Variants in BCAS4 observed in about 807,000 individuals in gnomAD.
BCAS4 encodes breast carcinoma-amplified sequence 4.
BCAS4 carries 9 observed loss-of-function variants against 15.7 expected under a neutral mutation model. That is an observed-to-expected ratio of 0.57 (90% CI 0.34 to 1.00). The LOEUF is 1.00. Ranked by LOEUF, BCAS4 falls within the 50% of genes least tolerant of loss-of-function variation. The pLI is 0.02. For synonymous variants in BCAS4, 101 were observed against 99.5 expected (o/e 1.02, Z -0.09); for missense variants, 225 against 239.1 (o/e 0.94, Z 0.39).
chr20:50,861,802 C>A (rs1219654793), intron 4 of BCAS4, among the ~76,000 whole-genome samples: 5 of 145,190 alleles, frequency 3.4e-5, no homozygotes, highest in African/African-American at 1.3e-4. Flanking sequence ...TTCATATTTT[C>A]TTTTCTTTTT....
downstream of BCAS4, chr20:50,879,113 G>A (rs1980064724): frequency 6.6e-6 from 1 of 152,374 alleles, no homozygotes; most frequent in Non-Finnish European, 1.5e-5. Flanking sequence ...CACTGTTGCT[G>A]TGTCACTGTA....
At chr20:50,815,605 C>G (rs1213584424) in intron 1 of BCAS4, among the ~76,000 whole-genome samples, 1 of 152,140 alleles carries the variant, frequency 6.6e-6, no homozygotes, top group East Asian at 1.9e-4. Context: ...TCTTCTCTCC[C>G]CTCTCCCCGA....
At chr20:50,881,743 C>T (rs1394917076), downstream of BCAS4, 1 of 152,020 alleles carries the variant, frequency 6.6e-6, no homozygotes. Context: ...TCACTGCAAC[C>T]CCTGCCTCCT....
chr20:50,875,638 G>A (rs987409648), intron 4 of BCAS4, among the ~76,000 whole-genome samples: 4 of 150,642 alleles, frequency 2.7e-5, no homozygotes, highest in Non-Finnish European at 3.0e-5. Flanking sequence ...AAAATTAGCC[G>A]GGCGTGGTGG....
At chr20:50,827,472 C>T (rs2088290744) in intron 2 of BCAS4, among the ~76,000 whole-genome samples, 1 of 152,156 alleles carries the variant, frequency 6.6e-6, no homozygotes, top group Non-Finnish European at 1.5e-5. Flanking sequence ...CAGACCCATT[C>T]AATCCTCTGC....
At chr20:50,866,509 G>A (rs532576712) in intron 4 of BCAS4, among the ~76,000 whole-genome samples, 1 of 152,354 alleles carries the variant, frequency 6.6e-6, no homozygotes, top group South Asian at 2.1e-4. Context: ...AGAGAAATAG[G>A]CACTCAATGT....
chr20:50,876,227 A>C (rs545402436), intron 4 of BCAS4: 1 of 437,204 alleles, frequency 2.3e-6, no homozygotes, highest in South Asian at 2.0e-5. Flanking sequence ...CTGGGATTAC[A>C]GTCATGAGCC....
chr20:50,831,650 C>T (rs2088345255), intron 3 of BCAS4, among the ~76,000 whole-genome samples: 1 of 152,212 alleles, frequency 6.6e-6, no homozygotes, highest in Non-Finnish European at 1.5e-5. Context: ...AGGTCAGCCA[C>T]TTCTCTGGGG....
chr20:50,821,520 G>C (rs79173179), intron 2 of BCAS4, among the ~76,000 whole-genome samples: 1,906 of 152,306 alleles, frequency 0.013, 35 homozygotes, highest in African/African-American at 0.042. Context: ...ATCAGCCCTA[G>C]CTTGGGGCCT....
At chr20:50,857,608 A>G (rs1054539377) in intron 4 of BCAS4, among the ~76,000 whole-genome samples, 1 of 152,202 alleles carries the variant, frequency 6.6e-6, no homozygotes, top group African/African-American at 2.4e-5. Context: ...GAAATGGGAC[A>G]GTTTACTGCG....
intron 1 of BCAS4, among the ~76,000 whole-genome samples, chr20:50,808,192 G>A (rs185820938): frequency 1.6e-4 from 24 of 152,320 alleles, no homozygotes; most frequent in African/African-American, 5.1e-4. Flanking sequence ...GATTACAGGC[G>A]TGAGCCACCG....
At chr20:50,855,844 TC>T (rs984105662) in intron 4 of BCAS4, among the ~76,000 whole-genome samples, 1 of 152,200 alleles carries the variant, frequency 6.6e-6, no homozygotes, top group Admixed American at 6.5e-5. Flanking sequence ...AGGACCTGGG[TC>T]CCCGCCTGGG....
intron 4 of BCAS4, among the ~76,000 whole-genome samples, chr20:50,866,842 C>T (rs1275526661): frequency 6.6e-6 from 1 of 152,208 alleles, no homozygotes; most frequent in Non-Finnish European, 1.5e-5. Context: ...CGCTGAGCCT[C>T]AGTTTCCCCT....
intron 1 of BCAS4, among the ~76,000 whole-genome samples, chr20:50,796,837 ATT>A (rs540602377): frequency 7.1e-6 from 1 of 141,016 alleles, no homozygotes. Context: ...GACGTTTTTA[ATT>A]TTTTTTTTTT....
chr20:50,855,011 C>G (rs1055325726), intron 4 of BCAS4, among the ~76,000 whole-genome samples: 6 of 152,192 alleles, frequency 3.9e-5, no homozygotes, highest in South Asian at 4.1e-4. Context: ...TGGCCGGGTT[C>G]GTGGTGTGTC....
chr20:50,813,359 T>C lies in BCAS4; in HGVS notation c.91-4852T>C, dbSNP rs140454049. On this transcript the variant is annotated intron_variant, in intron 1 of 4. Coordinates refer to ENST00000371608, the MANE Select transcript of BCAS4 (RefSeq NM_198799.4). Reference sequence around the variant, plus strand: ...GGATTTGGGGTGGGGAGAGCTTTTGTCTTAACAGGACTGCACAGAGTAGAT... The same window carrying C: ...GGATTTGGGGTGGGGAGAGCTTTTGCCTTAACAGGACTGCACAGAGTAGAT... Among the ~76,000 whole-genome samples the C allele has an allele frequency of 6.1e-4, 93 of 152,254 alleles. 1 individual carries two copies. In the East Asian group the frequency reaches 9.5e-3, roughly 15 times the overall value.
At chr20:50,872,414 C>CA (rs1043574461) in intron 4 of BCAS4, among the ~76,000 whole-genome samples, 1 of 151,062 alleles carries the variant, frequency 6.6e-6, no homozygotes, top group Non-Finnish European at 1.5e-5. Flanking sequence ...ACTAAAAATA[C>CA]AAAAAAATTA....
intron 2 of BCAS4, among the ~76,000 whole-genome samples, chr20:50,826,688 G>T (rs2088281260): frequency 6.6e-6 from 1 of 152,104 alleles, no homozygotes; most frequent in Non-Finnish European, 1.5e-5. Context: ...TCAGTACTAA[G>T]GGGCCAGGCA....
intron 3 of BCAS4, among the ~76,000 whole-genome samples, chr20:50,838,500 G>A (rs1200046403): frequency 1.3e-5 from 2 of 152,146 alleles, no homozygotes; most frequent in Non-Finnish European, 2.9e-5. Context: ...ACCTGGGATC[G>A]GGAGTTCGAG....
Sources: allele counts gnomAD v4.1 joint callset (sites outside exome capture counted in the v4.1 genomes callset), GRCh38; gene constraint gnomAD v4.1.1; transcripts MANE v1.5; gene names NCBI Gene and HGNC (gene_info 2026-07-23, HGNC 2026-07-21).